TAFA2: variants seen among roughly 807,000 people sequenced by gnomAD.
TAFA2 encodes TAFA chemokine like family member 2.
A neutral mutation model predicts 18.8 loss-of-function variants in TAFA2; 7 were observed. That is an observed-to-expected ratio of 0.37 (90% confidence interval 0.21 to 0.70). The LOEUF (loss-of-function observed/expected upper bound fraction) is 0.70, where lower values mean the gene tolerates loss of function less well. Ranked by LOEUF, TAFA2 falls within the 30% of genes least tolerant of loss-of-function variation. The probability of loss-of-function intolerance (pLI) is 0.53; values close to 1 mark genes in which losing one functional copy is unlikely to be tolerated. For synonymous variants in TAFA2, 60 were observed against 54.2 expected, an observed-to-expected ratio of 1.11 and a Z score of -0.47; for missense variants, 122 against 158.1, an observed-to-expected ratio of 0.77 and a Z score of 1.23.
At chr12:62,254,840 T>C (rs184221822) in intron 1 of TAFA2, among the ~76,000 whole-genome samples, 1 of 152,330 alleles carries the variant, frequency 6.6e-6, no homozygotes, top group East Asian at 1.9e-4. Flanking sequence ...GTTCTAAGAC[T>C]CTTTGTGAGC....
At chr12:61,891,372 C>T (rs559775285) in intron 1 of TAFA2, among the ~76,000 whole-genome samples, 400 of 152,224 alleles carry the variant, frequency 2.6e-3, no homozygotes, top group Middle Eastern at 0.01. Flanking sequence ...AAGGGCTGCG[C>T]GCAGTGGCTC....
chr12:62,053,449 A>G (rs1882107880), intron 1 of TAFA2, among the ~76,000 whole-genome samples: 1 of 152,218 alleles, frequency 6.6e-6, no homozygotes, highest in Admixed American at 6.5e-5. Context: ...AGTATGTAAA[A>G]TTGTTATATG....
At chr12:61,859,546 C>T (rs1193434611) in intron 2 of TAFA2, among the ~76,000 whole-genome samples, 1 of 152,214 alleles carries the variant, frequency 6.6e-6, no homozygotes, top group East Asian at 1.9e-4. Flanking sequence ...AGGGCTCAAG[C>T]GATTCTTCTG....
intron 1 of TAFA2, among the ~76,000 whole-genome samples, chr12:61,957,216 C>T (rs1565695752): frequency 6.6e-6 from 1 of 152,232 alleles, no homozygotes; most frequent in South Asian, 2.1e-4. Context: ...TTCTCCATTA[C>T]CCATCCCTTT....
At chr12:61,918,400 A>T (rs1876916773) in intron 1 of TAFA2, among the ~76,000 whole-genome samples, 1 of 152,108 alleles carries the variant, frequency 6.6e-6, no homozygotes. Context: ...ATAAGTGAGA[A>T]AATGTGAAGT....
At chr12:62,130,545 T>A (rs1663478) in intron 1 of TAFA2, among the ~76,000 whole-genome samples, 99,083 of 151,638 alleles carry the variant, frequency 0.65, 32,476 homozygotes, top group Admixed American at 0.7. Context: ...TGAAAATTAG[T>A]GTTCCTTATT....
In TAFA2 at chr12:61,924,737, C is replaced by A. The variant is rs150460009; in HGVS notation, c.-1-57311G>T. ...ATGACAGGATCAAATTCACACATAA[C>A]AATATTAATCTCAAAAGTAAATGGG... On this transcript the variant is annotated intron_variant, in intron 1 of 4. Coordinates refer to ENST00000416284, the MANE Select transcript of TAFA2 (RefSeq NM_178539.5). 3.3e-4 allele frequency among the ~76,000 whole-genome samples: 50 copies of A among 152,218 alleles called. No individual in the cohort carries two copies. The East Asian group carries it at 9.1e-3, about 28-fold the overall frequency.
intron 1 of TAFA2, among the ~76,000 whole-genome samples, chr12:61,936,504 G>A (rs954169644): frequency 1.3e-5 from 2 of 152,054 alleles, no homozygotes; most frequent in African/African-American, 4.8e-5. Context: ...GGAGATGAAG[G>A]TTGCAGTGAG....
At chr12:61,738,097 C>T (rs1475014313) in intron 4 of TAFA2, among the ~76,000 whole-genome samples, 1 of 151,982 alleles carries the variant, frequency 6.6e-6, no homozygotes, top group African/African-American at 2.4e-5. Flanking sequence ...TCTATAAACA[C>T]TTTCTGCATC....
At position 62,081,965 on chromosome 12, in the gene TAFA2, C is replaced by T. The variant is rs548475826; in HGVS notation, c.-2+109294G>A. On this transcript the variant is annotated intron_variant, in intron 1 of 4. Coordinates refer to ENST00000416284, the MANE Select transcript of TAFA2 (RefSeq NM_178539.5). Reference sequence around the variant, plus strand: ...TCCCCTCCTCCCCACCCCCGACAGGCCCCAGTGTATGTTGTTACCCCCATG... The same window carrying T: ...TCCCCTCCTCCCCACCCCCGACAGGTCCCAGTGTATGTTGTTACCCCCATG... Among the ~76,000 whole-genome samples, 23 of 151,480 alleles carry T rather than the reference C, an allele frequency of 1.5e-4. 1 individual carries two copies. The South Asian group carries it at 4.6e-3, about 30-fold the overall frequency.
chr12:61,728,812 C>A (rs565555738), intron 4 of TAFA2, among the ~76,000 whole-genome samples: 2 of 146,824 alleles, frequency 1.4e-5, no homozygotes, highest in East Asian at 2.0e-4. Context: ...ATTTTTTTTT[C>A]ATTGTATTAT....
intron 1 of TAFA2, among the ~76,000 whole-genome samples, chr12:62,044,206 C>T (rs1881847111): frequency 6.6e-6 from 1 of 151,986 alleles, no homozygotes; most frequent in African/African-American, 2.4e-5. Context: ...CTCCTCTACT[C>T]CTCATGTATT....
intron 2 of TAFA2, among the ~76,000 whole-genome samples, chr12:61,829,775 T>C (rs937930629): frequency 6.6e-6 from 1 of 151,726 alleles, no homozygotes; most frequent in Non-Finnish European, 1.5e-5. Flanking sequence ...GATTATTTAC[T>C]TTATAAGCAT....
At chr12:62,073,215 A>G (rs902836372) in intron 1 of TAFA2, among the ~76,000 whole-genome samples, 1 of 152,186 alleles carries the variant, frequency 6.6e-6, no homozygotes, top group African/African-American at 2.4e-5. Context: ...CGGATATCCT[A>G]AATGTTCACC....
At chr12:61,728,786 G>C (rs1484852860) in intron 4 of TAFA2, among the ~76,000 whole-genome samples, 1 of 146,420 alleles carries the variant, frequency 6.8e-6, no homozygotes, top group Non-Finnish European at 1.5e-5. Flanking sequence ...ATGCTAGTTG[G>C]TGTCCCAATA....
chr12:61,966,563 GTTA>G (rs1288362952), intron 1 of TAFA2, among the ~76,000 whole-genome samples: 1 of 151,830 alleles, frequency 6.6e-6, no homozygotes, highest in African/African-American at 2.4e-5. Context: ...ATTATTTTCT[GTTA>G]TTGTTGTTGT....
intron 1 of TAFA2, among the ~76,000 whole-genome samples, chr12:61,959,749 T>C (rs1488281570): frequency 6.6e-6 from 1 of 152,160 alleles, no homozygotes; most frequent in Non-Finnish European, 1.5e-5. Context: ...TTTTACATAT[T>C]ATTTCTGTTT....
At chr12:62,070,907 T>C (rs1565734844) in intron 1 of TAFA2, among the ~76,000 whole-genome samples, 1 of 152,172 alleles carries the variant, frequency 6.6e-6, no homozygotes, top group Non-Finnish European at 1.5e-5. Flanking sequence ...TCAGATAGAA[T>C]TATCAAATCT....
intron 2 of TAFA2, among the ~76,000 whole-genome samples, chr12:61,782,863 T>C (rs1358484078): frequency 6.6e-6 from 1 of 151,732 alleles, no homozygotes; most frequent in Non-Finnish European, 1.5e-5. Context: ...ATATAATTAT[T>C]TTCTGTTTTG....
Sources: gnomAD v4.1 joint callset for allele counts (sites outside exome capture counted in the v4.1 genomes callset) on GRCh38, gnomAD v4.1.1 for gene constraint, MANE v1.5 for transcripts, NCBI Gene and HGNC (gene_info 2026-07-23, HGNC 2026-07-21) for gene names.